The following NXPE2 variants were observed in gnomAD, a reference collection of about 807,000 sequenced individuals.
NXPE2 encodes the protein NXPE family member 2.
Under a neutral mutation model 34.4 loss-of-function variants are expected in NXPE2, and 34 were observed. The observed-to-expected ratio is 0.99, with a 90% CI of 0.75 to 1.31. The LOEUF is 1.31. Ranked by LOEUF, NXPE2 falls within the 40% of genes most tolerant of loss-of-function variation. The pLI, the probability that NXPE2 is intolerant of heterozygous loss-of-function variation, is 0.00. For synonymous variants in NXPE2, 235 were observed against 231.3 expected, an observed-to-expected ratio of 1.02 and a Z score of -0.15; for missense variants, 649 against 672.5, an observed-to-expected ratio of 0.97 and a Z score of 0.39.
At chr11:114,647,793 C>G in the NXPE2 span, among the ~76,000 whole-genome samples, 1 of 152,034 alleles carries the variant, frequency 6.6e-6, no homozygotes, top group Admixed American at 6.6e-5. Context: ...CCTCTTCCCC[C>G]TGGGTTTAAG....
the NXPE2 span, among the ~76,000 whole-genome samples, chr11:114,502,540 G>A: frequency 6.6e-6 from 1 of 152,132 alleles, no homozygotes; most frequent in Non-Finnish European, 1.5e-5. Flanking sequence ...TAATATTACT[G>A]TTATTTGCTA....
the NXPE2 span, among the ~76,000 whole-genome samples, chr11:114,712,641 AG>A: frequency 2.4e-4 from 36 of 152,346 alleles, no homozygotes; most frequent in East Asian, 5.6e-3. Context: ...GATGTGAAGA[AG>A]TTGGAACCTT....
the NXPE2 span, among the ~76,000 whole-genome samples, chr11:114,477,986 GT>G: frequency 6.6e-6 from 1 of 152,032 alleles, no homozygotes; most frequent in Non-Finnish European, 1.5e-5. Flanking sequence ...ATCCCTCAGT[GT>G]TGCATGGAAA....
intron 2 of NXPE2, among the ~76,000 whole-genome samples, chr11:114,686,605 A>T (rs912323977): frequency 6.6e-6 from 1 of 152,178 alleles, no homozygotes. Flanking sequence ...TTTTGGTAGA[A>T]CAATTTATTT....
chr11:114,497,098 T>C, the NXPE2 span, among the ~76,000 whole-genome samples: 2,377 of 152,210 alleles, frequency 0.016, 64 homozygotes, highest in African/African-American at 0.055. Context: ...GGCGTTGTTA[T>C]TATAGGAGAT....
At chr11:114,499,854 A>G in the NXPE2 span, among the ~76,000 whole-genome samples, 1,971 of 152,150 alleles carry the variant, frequency 0.013, 50 homozygotes, top group African/African-American at 0.044. Context: ...CTTTGTGTAT[A>G]TGAAATCTTA....
At chr11:114,529,153 C>T in the NXPE2 span, 175 of 226,714 alleles carry the variant, frequency 7.7e-4, no homozygotes, top group Middle Eastern at 7.1e-3. Context: ...TTTCTGTGAA[C>T]CTAGCATTCT....
At chr11:114,711,811 A>G (rs753869860), downstream of NXPE2, among the ~76,000 whole-genome samples, 1 of 152,168 alleles carries the variant, frequency 6.6e-6, no homozygotes, top group Non-Finnish European at 1.5e-5. Flanking sequence ...GAAAGAGAAG[A>G]ACAAAGTTGT....
the NXPE2 span, among the ~76,000 whole-genome samples, chr11:114,809,096 A>T: frequency 2.6e-5 from 4 of 152,174 alleles, no homozygotes; most frequent in Non-Finnish European, 2.9e-5. Flanking sequence ...CAAAAACCAC[A>T]TGATTATCTC....
At chr11:114,767,812 A>G in the NXPE2 span, among the ~76,000 whole-genome samples, 3 of 152,220 alleles carry the variant, frequency 2.0e-5, no homozygotes, top group East Asian at 5.8e-4. Context: ...CCCTTCTCCA[A>G]TGTCCTCAAA....
At chr11:114,675,504 G>A (rs1003411525), upstream of NXPE2, among the ~76,000 whole-genome samples, 41 of 151,546 alleles carry the variant, frequency 2.7e-4, no homozygotes, top group African/African-American at 1.7e-4. Flanking sequence ...TTTTCTATAC[G>A]CTAACAATAA....
chr11:114,741,913 G>T, the NXPE2 span, among the ~76,000 whole-genome samples: 7 of 152,232 alleles, frequency 4.6e-5, no homozygotes, highest in Middle Eastern at 3.4e-3. Context: ...CTTCACTTTT[G>T]CAGAAGCAGT....
chr11:114,594,608 T>A, the NXPE2 span: 1 of 1,113,868 alleles, frequency 9.0e-7, no homozygotes, highest in Non-Finnish European at 1.4e-6. Context: ...CTAGAACAGA[T>A]GAGGTAATAA....
the NXPE2 span, among the ~76,000 whole-genome samples, chr11:114,809,437 A>G: frequency 8.7e-5 from 13 of 149,460 alleles, no homozygotes; most frequent in African/African-American, 3.2e-4. Context: ...TTGTATATCT[A>G]GAAAACCCCA....
At chr11:114,559,631 A>G in the NXPE2 span, among the ~76,000 whole-genome samples, 1 of 151,372 alleles carries the variant, frequency 6.6e-6, no homozygotes, top group Non-Finnish European at 1.5e-5. Flanking sequence ...TGTTTCCCAC[A>G]CTTTCTTCTG....
chr11:114,489,933 T>A, the NXPE2 span, among the ~76,000 whole-genome samples: 1 of 152,180 alleles, frequency 6.6e-6, no homozygotes, highest in African/African-American at 2.4e-5. Context: ...TGTTTGCAGA[T>A]GACATGATTG....
At chr11:114,805,205 T>TAA in the NXPE2 span, among the ~76,000 whole-genome samples, 281 of 149,132 alleles carry the variant, frequency 1.9e-3, 1 homozygote, top group African/African-American at 6.6e-3. Context: ...TTTTTTTTTT[T>TAA]AAAAAAGGTA....
chr11:114,614,906 C>T, the NXPE2 span, among the ~76,000 whole-genome samples: 2 of 151,774 alleles, frequency 1.3e-5, no homozygotes, highest in African/African-American at 4.8e-5. Flanking sequence ...AGGGTAATCA[C>T]TGTTACCCAG....
the NXPE2 span, among the ~76,000 whole-genome samples, chr11:114,512,408 G>A: frequency 2.0e-5 from 3 of 152,090 alleles, no homozygotes; most frequent in Non-Finnish European, 1.5e-5. Flanking sequence ...CTCTGGGTCA[G>A]TCAGGGTCCA....
Sources: gnomAD v4.1 joint callset for allele counts (sites outside exome capture counted in the v4.1 genomes callset) on GRCh38, gnomAD v4.1.1 for gene constraint, MANE v1.5 for transcripts, NCBI Gene and HGNC (gene_info 2026-07-23, HGNC 2026-07-21) for gene names.